Variants in STK31 observed in about 807,000 individuals in gnomAD.
The protein encoded by STK31 is serine/threonine kinase 31.
STK31 carries 89 observed loss-of-function variants against 129.7 expected under a neutral mutation model. That is an observed-to-expected ratio of 0.69 (90% CI 0.58 to 0.82). STK31 has a LOEUF of 0.82. Among genes scored for constraint, STK31 ranks in the 40% least tolerant of loss-of-function variants. The pLI is 0.00. For missense variants in STK31, 1,187 were observed against 1,176.4 expected (o/e 1.01, Z -0.13); for synonymous variants, 448 against 395.3 (o/e 1.13, Z -1.58).
chr7:23,828,935 G>T (rs772306327), intron 23 of STK31, among the ~76,000 whole-genome samples: 1 of 150,156 alleles, frequency 6.7e-6, no homozygotes, highest in Non-Finnish European at 1.5e-5. Flanking sequence ...AGTTTCGTTC[G>T]TGTTGCCCAG....
chr7:23,827,575 T>G (rs916868255), intron 23 of STK31, among the ~76,000 whole-genome samples: 1 of 152,194 alleles, frequency 6.6e-6, no homozygotes, highest in Admixed American at 6.5e-5. Flanking sequence ...TTTGATCTTC[T>G]GAAGCCTTCC....
At chr7:23,803,723 C>G (rs1792518671) in intron 22 of STK31, among the ~76,000 whole-genome samples, 1 of 152,176 alleles carries the variant, frequency 6.6e-6, no homozygotes, top group African/African-American at 2.4e-5. Flanking sequence ...TTTTCTGCCC[C>G]TCTCCTTCCT....
intron 8 of STK31, among the ~76,000 whole-genome samples, chr7:23,747,558 C>T (rs1044817972): frequency 7.2e-5 from 11 of 151,918 alleles, no homozygotes; most frequent in South Asian, 2.1e-4. Flanking sequence ...TTAGTAGAGA[C>T]GGGGTTTCAC....
At chr7:23,825,843 C>A (rs2128132253) in intron 23 of STK31, among the ~76,000 whole-genome samples, 1 of 152,276 alleles carries the variant, frequency 6.6e-6, no homozygotes, top group East Asian at 1.9e-4. Context: ...TTTCTGCCTT[C>A]ATTTCGTTAT....
upstream of STK31, chr7:23,710,214 C>A: frequency 1.2e-6 from 2 of 1,610,006 alleles, no homozygotes; most frequent in South Asian, 2.2e-5. Context: ...CAGTGTGGGG[C>A]CCTTGCGGTC....
rs533595091 is a variant in STK31 at position 23,771,505 on chromosome 7, G to A, written c.1833+381G>A. On this transcript the variant is annotated intron_variant, in intron 14 of 23. Coordinates refer to ENST00000355870, the MANE Select transcript of STK31 (RefSeq NM_031414.5). Reference sequence around the variant, plus strand: ...GTTTGTGAGCATATATATATGCATTGCATTGTTTTTTAAGTTACTTCAAAC... The same window carrying A: ...GTTTGTGAGCATATATATATGCATTACATTGTTTTTTAAGTTACTTCAAAC... 1.1e-4 allele frequency: 17 copies of A among 154,240 alleles called. 2 individuals carry two copies. Among genetic ancestry groups the A allele is most frequent in the African/African-American group, 2.9e-4 (12 of 41,592 alleles). 9.6% of individuals were successfully genotyped at this position (154,240 alleles called of 1,614,324 possible). A position where few individuals can be genotyped will look rare whatever the true frequency, so the allele number is the denominator to read the frequency against.
intron 1 of STK31, chr7:23,710,545 C>A (rs556445093): frequency 5.9e-5 from 84 of 1,420,522 alleles, no homozygotes; most frequent in South Asian, 1.5e-4. Flanking sequence ...AGACCTCCGG[C>A]CTGAATGATC....
chr7:23,773,608 G>C (rs1790337405), intron 15 of STK31, among the ~76,000 whole-genome samples: 1 of 151,992 alleles, frequency 6.6e-6, no homozygotes, highest in African/African-American at 2.4e-5. Context: ...GATCCTTCAG[G>C]AATTGCCACA....
intron 23 of STK31, among the ~76,000 whole-genome samples, chr7:23,830,973 C>T (rs11764684): frequency 0.051 from 7,683 of 152,088 alleles, 253 homozygotes; most frequent in South Asian, 0.1. Flanking sequence ...TTTAGTTTTC[C>T]ATTGTGGTCT....
chr7:23,758,028 G>A (rs1314665601), intron 10 of STK31, among the ~76,000 whole-genome samples: 5 of 152,180 alleles, frequency 3.3e-5, no homozygotes, highest in Non-Finnish European at 7.4e-5. Flanking sequence ...AGCACATGTC[G>A]TAGGGAGCAC....
rs117734709 is a variant in STK31 at position 23,787,475 on chromosome 7, C to T, written c.2488-505C>T. Among the ~76,000 whole-genome samples, 31 of 152,090 alleles carry T rather than the reference C, an allele frequency of 2.0e-4. No individual in the cohort carries two copies. In the East Asian group the frequency reaches 5.2e-3, roughly 26 times the overall value. On this transcript the variant is annotated intron_variant, in intron 20 of 23. Coordinates refer to ENST00000355870, the MANE Select transcript of STK31 (RefSeq NM_031414.5). ...AGTCTGTGGCCTGTTAAGAACAGGG[C>T]GGCACAGCAGGAGGTGAGTGGCAGG...
At chr7:23,759,417 C>G (rs953508782) in intron 10 of STK31, among the ~76,000 whole-genome samples, 1 of 152,162 alleles carries the variant, frequency 6.6e-6, no homozygotes, top group Non-Finnish European at 1.5e-5. Flanking sequence ...GAACTGAAAT[C>G]ATAACAAACA....
chr7:23,755,604 G>A (rs1789018626), intron 10 of STK31, among the ~76,000 whole-genome samples: 1 of 152,114 alleles, frequency 6.6e-6, no homozygotes, highest in South Asian at 2.1e-4. Flanking sequence ...TATTGCCTGG[G>A]TTTTCTTCTA....
chr7:23,735,538 G>A lies in STK31; in HGVS notation c.484G>A (p.Gly162Ser), dbSNP rs1210965474. The change falls in exon 7 of 24, where the codon GGC becomes AGC. Residue 162 changes from glycine to serine, a missense_variant and splice_region_variant. Gly to Ser is a moderately conservative substitution (Grantham distance 56). Coordinates refer to ENST00000355870, the MANE Select transcript of STK31 (RefSeq NM_031414.5). ...SDQEVTQFDQ[G>S]TTFLGSLIFE... ...TGGTTTATGTTTTCTTCTTTCTTAG[G>A]GCACAACCTTTTTGGGGAGCTTGAT... 7 of 1,589,526 alleles carry A rather than the reference G, an allele frequency of 4.4e-6. No homozygotes were observed. The African/African-American group carries it at 8.1e-5, about 18-fold the overall frequency.
intron 17 of STK31, among the ~76,000 whole-genome samples, chr7:23,785,203 C>G (rs7793777): frequency 0.39 from 59,616 of 151,884 alleles, 11,823 homozygotes; most frequent in Non-Finnish European, 0.4. Context: ...CATTAGGGAT[C>G]CTAGGATGCA....
intron 6 of STK31, 132 bp downstream of exon 6, chr7:23,729,381 A>G (rs1787263923): frequency 2.5e-6 from 2 of 790,304 alleles, no homozygotes; most frequent in African/African-American, 1.8e-5. Flanking sequence ...AATTATAATT[A>G]GAAAGCAATT....
At chr7:23,726,952 A>AG (rs1554283941) in intron 4 of STK31, among the ~76,000 whole-genome samples, 1 of 148,180 alleles carries the variant, frequency 6.7e-6, no homozygotes, top group Non-Finnish European at 1.5e-5. Flanking sequence ...GCCTTAAAAA[A>AG]TTTTTTTTTT....
intron 23 of STK31, 107 bp from the exon 24 acceptor site, chr7:23,832,029 A>G: frequency 1.3e-6 from 1 of 742,928 alleles, no homozygotes; most frequent in Non-Finnish European, 2.2e-6. Flanking sequence ...TCATCTTGAA[A>G]CCCCTCCTTC....
chr7:23,787,923 T>A (rs1791395941), intron 20 of STK31, 57 bp from the exon 21 acceptor site: 2 of 1,440,622 alleles, frequency 1.4e-6, no homozygotes, highest in Non-Finnish European at 1.8e-6. Context: ...GAGAACAGTT[T>A]CAAGATTAAA....
Sources: allele counts gnomAD v4.1 joint callset (sites outside exome capture counted in the v4.1 genomes callset), GRCh38; gene constraint gnomAD v4.1.1; transcripts MANE v1.5; gene names NCBI Gene and HGNC (gene_info 2026-07-23, HGNC 2026-07-21).